GALNT5: variants seen among roughly 807,000 people sequenced by gnomAD.
GALNT5 encodes polypeptide N-acetylgalactosaminyltransferase 5.
Under a neutral mutation model 85.4 loss-of-function variants are expected in GALNT5, and 72 were observed. That is an observed-to-expected ratio of 0.84 (90% CI 0.70 to 1.03). GALNT5 has a LOEUF of 1.03. Ranked by LOEUF, GALNT5 falls within the 50% of genes least tolerant of loss-of-function variation. GALNT5 has a pLI of 0.00. For synonymous variants in GALNT5, 404 were observed against 397.0 expected (o/e 1.02, Z -0.21); for missense variants, 1,137 against 1,135.5 (o/e 1.00, Z -0.02).
At position 157,317,887 on chromosome 2, in the gene GALNT5, T is replaced by C. The variant is rs766214853; in HGVS notation, c.*6539T>C. ...TATCTCATGTTCTTCATGAACTATA[T>C]ACACATTTTCATTGTCTTTAAACAA... On this transcript the variant is annotated 3_prime_UTR_variant, in exon 10 of 10. Coordinates refer to ENST00000259056, the MANE Select transcript of GALNT5 (RefSeq NM_014568.3). 8.5e-5 allele frequency among the ~76,000 whole-genome samples: 13 copies of C among 152,188 alleles called. No homozygotes were observed. Among genetic ancestry groups the C allele is most frequent in the Non-Finnish European group, 1.5e-4 (10 of 68,002 alleles).
Position 157,300,379 on chromosome 2 carries a change from A to T in GALNT5, c.2116-297A>T, listed in dbSNP as rs145291958. ...CTATACTTCTTTCCCTGATTCAATC[A>T]AAACAAGAACTCATGTTTTACAAAA... On this transcript the variant is annotated intron_variant, in intron 6 of 9. Transcript: ENST00000259056. Among the ~76,000 whole-genome samples, 1,157 of 152,298 alleles carry T rather than the reference A, an allele frequency of 7.6e-3. 14 individuals are homozygous for T. Among genetic ancestry groups the T allele is most frequent in the African/African-American group, 0.027 (1,105 of 41,578 alleles).
At chr2:157,281,046 C>T (rs1447394077) in intron 1 of GALNT5, among the ~76,000 whole-genome samples, 2 of 152,006 alleles carry the variant, frequency 1.3e-5, no homozygotes, top group Admixed American at 6.6e-5. Flanking sequence ...TAGCTAGTCT[C>T]AGGTATTTCT....
chr2:157,286,149 AT>A lies in GALNT5; in HGVS notation c.1741+22del, dbSNP rs1346983994. On this transcript the variant is annotated intron_variant, in intron 3 of 9. Transcript: ENST00000259056. ...GAATGCAACAGGTAAGAAGTTACTC[AT>A]TTTTTTGTTTGTTACATTTTTATTT... 1.3e-6 allele frequency: 2 copies of A among 1,599,922 alleles called. No individual in the cohort carries two copies. Among genetic ancestry groups the A allele is most frequent in the Non-Finnish European group, 1.7e-6 (2 of 1,173,574 alleles).
At position 157,305,775 on chromosome 2, in the gene GALNT5, C is replaced by A; in HGVS notation, c.2466C>A (p.Cys822Ter). 1.2e-6 allele frequency: 2 copies of A among 1,606,730 alleles called. No homozygotes were observed. The highest frequency in any genetic ancestry group is 1.7e-6 in the Non-Finnish European group (2 of 1,173,520). The change falls in exon 8 of 10, where the codon TGC (cysteine) becomes TGA (stop). Residue 822 changes from cysteine to a stop codon, truncating the protein, a stop_gained. Coordinates refer to ENST00000259056, the MANE Select transcript of GALNT5 (RefSeq NM_014568.3). LOFTEE classifies it high-confidence loss of function. ...TTATTAATGTGGCTTTGGGTAAATG[C>A]ATTTCCATTGAAAACACTACAGTCA... ...GVLINVALGK[C>*]ISIENTTVIL...
chr2:157,265,178 T>C (rs1328443062), intron 1 of GALNT5, among the ~76,000 whole-genome samples: 2 of 152,224 alleles, frequency 1.3e-5, no homozygotes, highest in Non-Finnish European at 2.9e-5. Context: ...AGCACAGTAC[T>C]CTTTTTCACT....
rs1007735335 is a variant in GALNT5, at chr2:157,312,322, A to G, written c.*974A>G. On this transcript the variant is annotated 3_prime_UTR_variant, in exon 10 of 10. Transcript: ENST00000259056. ...CATTCACAGGGATGAAATATGCGAAAAATGGGTTCTAAAATATTTCAAAGG... is the reference window on the plus strand; with the variant it reads ...CATTCACAGGGATGAAATATGCGAAGAATGGGTTCTAAAATATTTCAAAGG... 2 of 152,180 alleles carry G rather than the reference A, an allele frequency of 1.3e-5. No individual in the cohort carries two copies. Among genetic ancestry groups the G allele is most frequent in the East Asian group, 3.8e-4 (2 of 5,198 alleles). 9.4% of individuals were successfully genotyped at this position (152,180 alleles called of 1,614,324 possible).
intron 3 of GALNT5, 22 bp from the exon 4 acceptor site, chr2:157,295,641 T>TTG (rs753061209): frequency 6.2e-7 from 1 of 1,600,924 alleles, no homozygotes. Context: ...TCTAAGTTTT[T>TTG]TGTGTGTGTT....
rs1017578 is a variant in GALNT5, at chr2:157,266,192, T to C, written c.1454+6656T>C. On this transcript the variant is annotated intron_variant, in intron 1 of 9. Transcript: ENST00000259056. ...GGCCTTTCATCCTTCAGGCATATTA[T>C]TTCATCTGATCCTTGTGGCCATGCC... is the stretch of plus-strand genomic sequence containing the variant. Among the ~76,000 whole-genome samples the C allele has an allele frequency of 4.6e-3, 696 of 152,344 alleles. 5 individuals are homozygous for C. The highest frequency in any genetic ancestry group is 0.016 in the African/African-American group (653 of 41,576).
intron 9 of GALNT5, 91 bp from the exon 10 acceptor site, chr2:157,311,117 C>T (rs1683560008): frequency 1.0e-6 from 1 of 959,860 alleles, no homozygotes; most frequent in Non-Finnish European, 1.6e-6. Flanking sequence ...AATATAACTG[C>T]CTGTCCATTT....
At chr2:157,292,200 G>C (rs545585034) in intron 3 of GALNT5, among the ~76,000 whole-genome samples, 21 of 152,294 alleles carry the variant, frequency 1.4e-4, no homozygotes, top group African/African-American at 5.1e-4. Flanking sequence ...GAAGGCTGTT[G>C]TATGTAACTT....
chr2:157,259,179 T>A lies in GALNT5; in HGVS notation c.1097T>A (p.Met366Lys). The part of the protein sequence containing the change: ...SKHISRNRSE[M>K]SSSSLAPHRV... ...CACATTTCCAGGAATAGAAGTGAGATGTCTTCCTCTTCACTTGCTCCACAT... is the reference window on the plus strand; with the variant it reads ...CACATTTCCAGGAATAGAAGTGAGAAGTCTTCCTCTTCACTTGCTCCACAT... Residue 366 changes from methionine to lysine, a missense_variant, in exon 1 of 10, where the codon ATG (methionine) becomes AAG (lysine). Met to Lys is a moderately conservative substitution (Grantham distance 95). Transcript: ENST00000259056. 1 of 1,534,612 alleles carries A rather than the reference T, an allele frequency of 6.5e-7. No homozygotes were observed. The highest frequency in any genetic ancestry group is 1.3e-5 in the South Asian group (1 of 76,254).
Position 157,299,568 on chromosome 2 carries a change from G to A in GALNT5, c.2018G>A (p.Gly673Glu). The A allele has an allele frequency of 6.2e-7, 1 of 1,610,896 alleles. No individual in the cohort carries two copies. Among genetic ancestry groups the A allele is most frequent in the Non-Finnish European group, 8.5e-7 (1 of 1,177,348 alleles). The change falls in exon 6 of 10, where the codon GGA (glycine) becomes GAA (glutamate). Residue 673 changes from glycine to glutamate, a missense_variant. Physicochemically the swap from Gly to Glu is moderately conservative, Grantham distance 98. Coordinates refer to ENST00000259056, the MANE Select transcript of GALNT5 (RefSeq NM_014568.3). ...TGTAGGTGCCCTGTCATGGCTGGTG[G>A]ATTGTTTTCTATTGACAAAAGTTAC... Reference protein sequence around the residue: ...DTIRCPVMAGGLFSIDKSYFF... With the variant: ...DTIRCPVMAGELFSIDKSYFF...
rs1574035694 is a variant in GALNT5, at chr2:157,305,931, T to C, written c.2520+102T>C. The stretch of plus-strand genomic sequence containing the variant: ...TCATCTTTGCCCAACAGAAAAATAA[T>C]TTTCTAAATTTCTTTGTAAAAAGAG... On this transcript the variant is annotated intron_variant, in intron 8 of 9. Transcript: ENST00000259056. 11 of 674,348 alleles carry C rather than the reference T, an allele frequency of 1.6e-5. No individual in the cohort carries two copies. In the South Asian group the frequency reaches 2.1e-4, roughly 13 times the overall value. 41.8% of individuals were successfully genotyped at this position (674,348 alleles called of 1,614,324 possible).
rs2105178812 is a variant in GALNT5 at position 157,316,179 on chromosome 2, C to A, written c.*4831C>A. On this transcript the variant is annotated 3_prime_UTR_variant, in exon 10 of 10. Transcript: ENST00000259056. Reference sequence around the variant, plus strand: ...ACACCTGGTGACAAGGAAAAGGGAGCAGGAATCACCATATTGAATGTGCCT... The same window carrying A: ...ACACCTGGTGACAAGGAAAAGGGAGAAGGAATCACCATATTGAATGTGCCT... Among the ~76,000 whole-genome samples the A allele has an allele frequency of 6.6e-6, 1 of 152,158 alleles. No homozygotes were observed. The highest frequency in any genetic ancestry group is 2.4e-5 in the African/African-American group (1 of 41,506).
chr2:157,306,292 T>A (rs1265232339), intron 8 of GALNT5, among the ~76,000 whole-genome samples: 1 of 152,242 alleles, frequency 6.6e-6, no homozygotes, highest in East Asian at 1.9e-4. Context: ...TATTTCTAAA[T>A]AATCATTCTA....
In GALNT5 at chr2:157,258,383, G is replaced by C. The variant is rs1392054783; in HGVS notation, c.301G>C (p.Val101Leu). 3 of 1,611,570 alleles carry C rather than the reference G, an allele frequency of 1.9e-6. No homozygotes were observed. In the African/African-American group the frequency reaches 4.0e-5, roughly 22 times the overall value. ...VRKTEESVLK[V>L]EVDLDQTQRE... Reference sequence around the variant, plus strand: ...AAAAACTGAGGAGAGTGTGCTCAAGGTTGAGGTGGACTTGGACCAAACCCA... The same window carrying C: ...AAAAACTGAGGAGAGTGTGCTCAAGCTTGAGGTGGACTTGGACCAAACCCA... The change falls in exon 1 of 10, where the codon GTT becomes CTT. Residue 101 changes from valine to leucine, a missense_variant. Transcript: ENST00000259056.
intron 3 of GALNT5, among the ~76,000 whole-genome samples, chr2:157,287,129 A>G (rs551039300): frequency 6.6e-6 from 1 of 152,318 alleles, no homozygotes; most frequent in South Asian, 2.1e-4. Flanking sequence ...TATTGTTGAT[A>G]CTAACTTTGT....
intron 9 of GALNT5, among the ~76,000 whole-genome samples, chr2:157,309,949 C>T (rs1683532029): frequency 6.6e-6 from 1 of 152,026 alleles, no homozygotes; most frequent in African/African-American, 2.4e-5. Flanking sequence ...ATCTTACCTT[C>T]TCCCTGTGCC....
At chr2:157,294,784 CCACA>C (rs60607353) in intron 3 of GALNT5, among the ~76,000 whole-genome samples, 8,687 of 146,914 alleles carry the variant, frequency 0.059, 586 homozygotes, top group African/African-American at 0.16. Flanking sequence ...TCACATCACA[CCACA>C]CACACACACA....
Sources: allele counts gnomAD v4.1 joint callset (sites outside exome capture counted in the v4.1 genomes callset), GRCh38; gene constraint gnomAD v4.1.1; transcripts MANE v1.5; gene names NCBI Gene and HGNC (gene_info 2026-07-23, HGNC 2026-07-21).